SPATA33: variants seen among roughly 807,000 people sequenced by gnomAD.
The protein encoded by SPATA33 is spermatogenesis-associated protein 33.
Under a neutral mutation model 8.9 loss-of-function variants are expected in SPATA33, and 10 were observed. That is an observed-to-expected ratio of 1.12 (90% CI 0.69 to 1.90). SPATA33 has a LOEUF of 1.90. Ranked by LOEUF, SPATA33 falls within the 40% of genes most tolerant of loss-of-function variation. SPATA33 has a pLI of 0.00. For synonymous variants in SPATA33, 96 were observed against 72.8 expected (o/e 1.32, Z -1.63); for missense variants, 241 against 178.3 (o/e 1.35, Z -2.00).
chr16:89,669,137 T>C, intron 2 of SPATA33, 149 bp from the exon 3 acceptor site: 3 of 696,848 alleles, frequency 4.3e-6, no homozygotes, highest in Middle Eastern at 2.8e-4. Context: ...GTAATGTTCA[T>C]GGACAGTTTT....
At chr16:89,660,455 A>C in intron 2 of SPATA33, 1 of 1,231,710 alleles carries the variant, frequency 8.1e-7, no homozygotes. Context: ...TGGGGGAGGA[A>C]GGTGGACATG....
chr16:89,664,368 G>T (rs972900996), intron 2 of SPATA33, among the ~76,000 whole-genome samples: 33 of 152,074 alleles, frequency 2.2e-4, no homozygotes, highest in Non-Finnish European at 7.4e-5. Context: ...CAGCCCACAC[G>T]ATCCCTGCCC....
rs914596867 is a variant in SPATA33 at position 89,662,670 on chromosome 16, A to C, written c.211+4249A>C. On this transcript the variant is annotated intron_variant, in intron 2 of 2. Coordinates refer to ENST00000579310, the MANE Select transcript of SPATA33 (RefSeq NM_001271907.2). The stretch of plus-strand genomic sequence containing the variant: ...TCAAACTCCTGGCTTCAGCTGATCC[A>C]CCCGCCTCGGCCTCCCAAAGTGCTG... 6.6e-5 allele frequency among the ~76,000 whole-genome samples: 10 copies of C among 151,638 alleles called. No homozygotes were observed. The East Asian group carries it at 1.8e-3, about 27-fold the overall frequency.
At chr16:89,661,181 TA>T in intron 2 of SPATA33, 1 of 985,468 alleles carries the variant, frequency 1.0e-6, no homozygotes, top group Non-Finnish European at 1.2e-6. Flanking sequence ...GGCCATAAGT[TA>T]ATCACTGTGG....
intron 2 of SPATA33, among the ~76,000 whole-genome samples, chr16:89,666,297 T>C (rs942224384): frequency 3.3e-5 from 5 of 152,080 alleles, no homozygotes; most frequent in Admixed American, 1.3e-4. Context: ...GACTGTAGTT[T>C]GCTATGATCA....
intron 2 of SPATA33, among the ~76,000 whole-genome samples, chr16:89,666,558 G>A (rs1359453838): frequency 6.6e-6 from 1 of 152,120 alleles, no homozygotes; most frequent in Non-Finnish European, 1.5e-5. Context: ...CACAGGGTCG[G>A]TGGGTTTTCT....
chr16:89,668,175 G>A (rs564451895), intron 2 of SPATA33: 68 of 152,374 alleles, frequency 4.5e-4, no homozygotes, highest in African/African-American at 1.6e-3. Context: ...CCCCAGGTGT[G>A]GTGGCAGGAG....
Position 89,657,858 on chromosome 16 carries a change from G to T in SPATA33, c.-54G>T. On this transcript the variant is annotated 5_prime_UTR_variant, in exon 1 of 3. Coordinates refer to ENST00000579310, the MANE Select transcript of SPATA33 (RefSeq NM_001271907.2). The stretch of plus-strand genomic sequence containing the variant: ...TTTGTGAGTCGCTCCCGGCTCCGCG[G>T]CCGCGGAGGTGTGGGGACCCGGGCT... The T allele has an allele frequency of 6.6e-7, 1 of 1,510,372 alleles. No homozygotes were observed. Among genetic ancestry groups the T allele is most frequent in the African/African-American group, 1.4e-5 (1 of 69,082 alleles). The allele number at this position is 1,510,372 out of a possible 1,614,324, so 93.6% of individuals were successfully genotyped here.
Position 89,670,034 on chromosome 16 carries a change from A to G in SPATA33, c.*537A>G. The G allele has an allele frequency of 8.0e-6, 1 of 124,904 alleles. No individual in the cohort carries two copies. Among genetic ancestry groups the G allele is most frequent in the East Asian group, 2.5e-4 (1 of 3,948 alleles). The allele number at this position is 124,904 out of a possible 1,614,324, so 7.7% of individuals were successfully genotyped here. ...GGCCCCTTCTCCAGTGCTTTTGGGG[A>G]GGGTGCACCAGGGCCACCCCACCCT... On this transcript the variant is annotated 3_prime_UTR_variant, in exon 3 of 3. Transcript: ENST00000579310.
rs555597507 is a variant in SPATA33, at chr16:89,660,853, G to C, written c.211+2432G>C. On this transcript the variant is annotated intron_variant, in intron 2 of 2. Transcript: ENST00000579310. The stretch of plus-strand genomic sequence containing the variant: ...CTGGTCCCTAAGCCCTTCCAGCCCA[G>C]GAGCCAGACCTGTGAGCAAACAAGC... 318 of 1,143,824 alleles carry C rather than the reference G, an allele frequency of 2.8e-4. 2 individuals are homozygous for C. In the African/African-American group the frequency reaches 4.7e-3, roughly 17 times the overall value. The allele number at this position is 1,143,824 out of a possible 1,614,324, so 70.9% of individuals were successfully genotyped here. A position where few individuals can be genotyped will look rare whatever the true frequency, so the allele number is the denominator to read the frequency against.
At position 89,669,914 on chromosome 16, in the gene SPATA33, C is replaced by A; in HGVS notation, c.*417C>A. Reference sequence around the variant, plus strand: ...AGCCACCGCCCCCTTCTCCAGTGCTCTCGGGGAGGGTGCACCAGGGCTGCC... The same window carrying A: ...AGCCACCGCCCCCTTCTCCAGTGCTATCGGGGAGGGTGCACCAGGGCTGCC... On this transcript the variant is annotated 3_prime_UTR_variant, in exon 3 of 3. Coordinates refer to ENST00000579310, the MANE Select transcript of SPATA33 (RefSeq NM_001271907.2). 1 of 196,292 alleles carries A rather than the reference C, an allele frequency of 5.1e-6. No homozygotes were observed. The highest frequency in any genetic ancestry group is 1.0e-5 in the Non-Finnish European group (1 of 96,300). 12.2% of individuals were successfully genotyped at this position (196,292 alleles called of 1,614,324 possible). A position where few individuals can be genotyped will look rare whatever the true frequency, so the allele number is the denominator to read the frequency against.
Position 89,669,987 on chromosome 16 carries a change from G to A in SPATA33, c.*490G>A, listed in dbSNP as rs1485094359. On this transcript the variant is annotated 3_prime_UTR_variant, in exon 3 of 3. Coordinates refer to ENST00000579310, the MANE Select transcript of SPATA33 (RefSeq NM_001271907.2). ...CCCCTTCTCCAGTGCTCTCCAGCCC[G>A]CCCCACCCTGTGAGAAGCCATGGCC... The A allele has an allele frequency of 4.5e-5, 7 of 155,612 alleles. No homozygotes were observed. The highest frequency in any genetic ancestry group is 1.7e-4 in the East Asian group (1 of 5,756). The allele number at this position is 155,612 out of a possible 1,614,324, so 9.6% of individuals were successfully genotyped here.
At chr16:89,660,307 A>G (rs973863413) in intron 2 of SPATA33, 2 of 434,820 alleles carry the variant, frequency 4.6e-6, no homozygotes, top group African/African-American at 2.0e-5. Context: ...TGCAGGACTC[A>G]TTCAATGGTG....
intron 2 of SPATA33, chr16:89,661,051 C>A: frequency 2.0e-6 from 2 of 987,674 alleles, no homozygotes; most frequent in Non-Finnish European, 2.4e-6. Flanking sequence ...TCCTGCCAAA[C>A]GTGTCCTGAA....
At chr16:89,664,964 C>G (rs1296735522) in intron 2 of SPATA33, among the ~76,000 whole-genome samples, 1 of 152,208 alleles carries the variant, frequency 6.6e-6, no homozygotes, top group Non-Finnish European at 1.5e-5. Context: ...AATAGAAGTA[C>G]ACACAATATG....
rs1321164254 is a variant in SPATA33 at position 89,657,943 on chromosome 16, G to A, written c.32G>A (p.Arg11Lys). The change falls in exon 1 of 3, where the codon AGG becomes AAG. Residue 11 changes from arginine to lysine, a missense_variant. Physicochemically the swap from Arg to Lys is conservative, Grantham distance 26 (BLOSUM62 2). Transcript: ENST00000579310. MGLSKSKEKP[R>K]KGEEQKKGST... The stretch of plus-strand genomic sequence containing the variant: ...CTTTCCAAAAGCAAAGAGAAACCCA[G>A]GAAAGGTAAAGGAGGCGCAGGCGCT... 2 of 1,517,130 alleles carry A rather than the reference G, an allele frequency of 1.3e-6. No homozygotes were observed. Among genetic ancestry groups the A allele is most frequent in the Admixed American group, 2.0e-5 (1 of 49,416 alleles). 94.0% of individuals were successfully genotyped at this position (1,517,130 alleles called of 1,614,324 possible).
At chr16:89,665,339 G>C (rs1005148266) in intron 2 of SPATA33, among the ~76,000 whole-genome samples, 2 of 146,850 alleles carry the variant, frequency 1.4e-5, no homozygotes, top group African/African-American at 5.1e-5. Flanking sequence ...GTCTTGCTCT[G>C]TCGCCACCCA....
rs1207563454 is a variant in SPATA33, at chr16:89,667,466, C to T, written c.212-1820C>T. On this transcript the variant is annotated intron_variant, in intron 2 of 2. Transcript: ENST00000579310. ...TATTCTTATTTTATATATTTTATTA[C>T]ACTGGAACAGCTCGTGCCCTCGGTC... 5.3e-5 allele frequency among the ~76,000 whole-genome samples: 8 copies of T among 152,162 alleles called. No individual in the cohort carries two copies. The East Asian group carries it at 1.2e-3, about 22-fold the overall frequency.
Position 89,669,415 on chromosome 16 carries a change from G to C in SPATA33, c.341G>C (p.Arg114Pro), listed in dbSNP as rs145327448. The C allele has an allele frequency of 2.5e-6, 4 of 1,614,120 alleles. No individual in the cohort carries two copies. The highest frequency in any genetic ancestry group is 3.4e-6 in the Non-Finnish European group (4 of 1,180,028). The stretch of plus-strand genomic sequence containing the variant: ...GGGAGTGACCAGCAGAGAACCATTC[G>C]GGAGCCGGAGGACTGGGGCCCCTAC... ...SSGSDQQRTIREPEDWGPYRR... is the reference protein window; with the variant it reads ...SSGSDQQRTIPEPEDWGPYRR... The change falls in exon 3 of 3, where the codon CGG (arginine) becomes CCG (proline). Residue 114 changes from arginine to proline, a missense_variant. By Grantham distance (103) the Arg-to-Pro change is moderately radical. Coordinates refer to ENST00000579310, the MANE Select transcript of SPATA33 (RefSeq NM_001271907.2).
Sources: allele counts gnomAD v4.1 joint callset (sites outside exome capture counted in the v4.1 genomes callset), GRCh38; gene constraint gnomAD v4.1.1; transcripts MANE v1.5; gene names NCBI Gene and HGNC (gene_info 2026-07-23, HGNC 2026-07-21).